ADGRB3: variants seen among roughly 807,000 people sequenced by gnomAD.
The protein encoded by ADGRB3 is brain-specific angiogenesis inhibitor 3.
ADGRB3 carries 37 observed loss-of-function variants against 193.4 expected under a neutral mutation model. That is an observed-to-expected ratio of 0.19 (90% CI 0.15 to 0.25). ADGRB3 has a LOEUF of 0.25. ADGRB3 is among the 10% of genes least tolerant of loss of function. The pLI is 1.00. For synonymous variants in ADGRB3, 690 were observed against 644.2 expected (o/e 1.07, Z -1.08); for missense variants, 1,637 against 1,852.9 (o/e 0.88, Z 2.14).
At chr6:68,722,596 T>G (rs1765603185) in intron 3 of ADGRB3, among the ~76,000 whole-genome samples, 1 of 147,236 alleles carries the variant, frequency 6.8e-6, no homozygotes, top group Admixed American at 7.0e-5. Flanking sequence ...GTTAAATTTA[T>G]TTCTTTTTCT....
chr6:69,100,040 A>T (rs1772988106), intron 17 of ADGRB3, among the ~76,000 whole-genome samples: 1 of 152,236 alleles, frequency 6.6e-6, no homozygotes, highest in Non-Finnish European at 1.5e-5. Flanking sequence ...AGGTTTGGAC[A>T]CATCAGTCAT....
At chr6:68,911,734 A>G (rs1399619263) in intron 3 of ADGRB3, among the ~76,000 whole-genome samples, 1 of 152,018 alleles carries the variant, frequency 6.6e-6, no homozygotes, top group African/African-American at 2.4e-5. Flanking sequence ...GCTGGCAATT[A>G]CTTTTTTAGC....
At chr6:69,239,835 GT>G (rs371950908) in intron 20 of ADGRB3, among the ~76,000 whole-genome samples, 59 of 151,908 alleles carry the variant, frequency 3.9e-4, no homozygotes, top group Non-Finnish European at 8.0e-4. Context: ...GAATGACCAT[GT>G]TTTTTCCCCC....
intron 20 of ADGRB3, among the ~76,000 whole-genome samples, chr6:69,267,368 A>C (rs1767070594): frequency 6.6e-6 from 1 of 152,102 alleles, no homozygotes; most frequent in African/African-American, 2.4e-5. Context: ...ATTACAAGAC[A>C]GATTTGAAGG....
At chr6:69,171,516 T>C (rs891783951) in intron 17 of ADGRB3, among the ~76,000 whole-genome samples, 28 of 152,168 alleles carry the variant, frequency 1.8e-4, no homozygotes, top group Non-Finnish European at 3.2e-4. Context: ...AAAGTTCTAG[T>C]TGTATGAAGA....
intron 17 of ADGRB3, among the ~76,000 whole-genome samples, chr6:69,214,986 TC>T (rs572967170): frequency 1.4e-4 from 22 of 151,966 alleles, no homozygotes; most frequent in Non-Finnish European, 2.8e-4. Context: ...AAAACATCAC[TC>T]TCCATCTACT....
rs567569716 is a variant in ADGRB3 at position 68,876,623 on chromosome 6, A to G, written c.758-53936A>G. Among the ~76,000 whole-genome samples the G allele has an allele frequency of 1.8e-4, 28 of 152,228 alleles. No individual in the cohort carries two copies. In the South Asian group the frequency reaches 1.9e-3, roughly 10 times the overall value. ...TTTTGACCAAAATATTTTGTTTTCCATATATTGTTAGTCTTTATGGTCAAT... is the reference window on the plus strand; with the variant it reads ...TTTTGACCAAAATATTTTGTTTTCCGTATATTGTTAGTCTTTATGGTCAAT... On this transcript the variant is annotated intron_variant, in intron 3 of 31. Coordinates refer to ENST00000370598, the MANE Select transcript of ADGRB3 (RefSeq NM_001704.3).
chr6:68,681,003 A>C (rs1764884611), intron 3 of ADGRB3, among the ~76,000 whole-genome samples: 1 of 152,202 alleles, frequency 6.6e-6, no homozygotes, highest in Non-Finnish European at 1.5e-5. Flanking sequence ...AAGCTGTACC[A>C]GAAGCATGAT....
At chr6:68,999,863 TTAATGAATAAC>T (rs1215729022) in intron 11 of ADGRB3, among the ~76,000 whole-genome samples, 6 of 152,164 alleles carry the variant, frequency 3.9e-5, no homozygotes, top group Admixed American at 1.3e-4. Flanking sequence ...GTTGATATAA[TTAATGAATAAC>T]TAAGGGTAAT....
At chr6:69,118,315 C>CA (rs1375731493) in intron 17 of ADGRB3, among the ~76,000 whole-genome samples, 2 of 151,896 alleles carry the variant, frequency 1.3e-5, no homozygotes, top group East Asian at 3.9e-4. Flanking sequence ...GTCAAAATGC[C>CA]AAAAAACAAT....
At chr6:69,023,449 G>A (rs1214569538) in intron 13 of ADGRB3, among the ~76,000 whole-genome samples, 1 of 152,036 alleles carries the variant, frequency 6.6e-6, no homozygotes, top group Non-Finnish European at 1.5e-5. Flanking sequence ...AGAGTGAATA[G>A]CAAATAGATG....
intron 17 of ADGRB3, among the ~76,000 whole-genome samples, chr6:69,102,664 C>T (rs1003414839): frequency 3.9e-5 from 6 of 152,008 alleles, no homozygotes; most frequent in Admixed American, 1.3e-4. Flanking sequence ...TGGCGGAGCC[C>T]AAGTGAAAAA....
chr6:69,191,412 TTTAA>T (rs1208685673), intron 17 of ADGRB3, among the ~76,000 whole-genome samples: 1 of 152,208 alleles, frequency 6.6e-6, no homozygotes, highest in Non-Finnish European at 1.5e-5. Flanking sequence ...TCATTGGTTC[TTTAA>T]TTAGTGTTAA....
intron 17 of ADGRB3, among the ~76,000 whole-genome samples, chr6:69,230,456 C>T (rs1415234241): frequency 1.3e-5 from 2 of 152,168 alleles, no homozygotes; most frequent in Non-Finnish European, 2.9e-5. Context: ...TGCCACATAT[C>T]AATTTGCTTT....
At chr6:69,156,673 G>T (rs1041854828) in intron 17 of ADGRB3, among the ~76,000 whole-genome samples, 7 of 152,226 alleles carry the variant, frequency 4.6e-5, no homozygotes, top group South Asian at 2.1e-4. Flanking sequence ...AATCCCTTGG[G>T]TTCCATGTAT....
At chr6:69,235,838 A>G (rs1319513068) in intron 19 of ADGRB3, among the ~76,000 whole-genome samples, 2 of 152,030 alleles carry the variant, frequency 1.3e-5, no homozygotes, top group Non-Finnish European at 2.9e-5. Context: ...TGTGAAGTTT[A>G]TCGTCTACTC....
At chr6:68,935,314 C>T (rs558519752) in intron 4 of ADGRB3, among the ~76,000 whole-genome samples, 95 of 152,304 alleles carry the variant, frequency 6.2e-4, no homozygotes, top group Non-Finnish European at 5.0e-4. Context: ...ACTCCTTCTT[C>T]CCTAGAGCAC....
At chr6:68,966,667 C>T (rs1451979524) in intron 8 of ADGRB3, among the ~76,000 whole-genome samples, 1 of 152,176 alleles carries the variant, frequency 6.6e-6, no homozygotes, top group East Asian at 1.9e-4. Flanking sequence ...GCAGCCAGGG[C>T]TTCTCAGCTT....
chr6:68,839,079 GTC>G (rs1491549271), intron 3 of ADGRB3, among the ~76,000 whole-genome samples: 1 of 119,548 alleles, frequency 8.4e-6, no homozygotes, highest in Admixed American at 8.4e-5. Flanking sequence ...CTGTCTCTCT[GTC>G]ACACACACAC....
Sources: gnomAD v4.1 joint callset for allele counts (sites outside exome capture counted in the v4.1 genomes callset) on GRCh38, gnomAD v4.1.1 for gene constraint, MANE v1.5 for transcripts, NCBI Gene and HGNC (gene_info 2026-07-23, HGNC 2026-07-21) for gene names.